Variants in ALCAM observed in about 807,000 individuals in gnomAD.
The protein encoded by ALCAM is activated leukocyte cell adhesion molecule.
Under a neutral mutation model 70.9 loss-of-function variants are expected in ALCAM, and 30 were observed. That is an observed-to-expected ratio of 0.42 (90% confidence interval 0.32 to 0.57). ALCAM has a LOEUF of 0.57. Ranked by LOEUF, ALCAM falls within the 20% of genes least tolerant of loss-of-function variation. ALCAM has a pLI of 0.11. For synonymous variants in ALCAM, 249 were observed against 242.5 expected (o/e 1.03, Z -0.25); for missense variants, 591 against 695.1 (o/e 0.85, Z 1.68).
intron 9 of ALCAM, among the ~76,000 whole-genome samples, chr3:105,545,753 A>G (rs1940231176): frequency 6.6e-6 from 1 of 151,492 alleles, no homozygotes; most frequent in African/African-American, 2.4e-5. Context: ...AAAGAAATTG[A>G]AGGGAAATAA....
intron 1 of ALCAM, among the ~76,000 whole-genome samples, chr3:105,500,119 G>A (rs1206084062): frequency 6.6e-6 from 1 of 151,892 alleles, no homozygotes; most frequent in Non-Finnish European, 1.5e-5. Context: ...ATCAGTTAAT[G>A]TCTCCCAAAT....
At chr3:105,386,131 A>G (rs1469629956) in intron 1 of ALCAM, among the ~76,000 whole-genome samples, 2 of 151,670 alleles carry the variant, frequency 1.3e-5, no homozygotes, top group African/African-American at 2.4e-5. Flanking sequence ...TTCCAAGACT[A>G]TAGAGGAAGT....
At chr3:105,389,854 G>C (rs923343100) in intron 1 of ALCAM, among the ~76,000 whole-genome samples, 2 of 150,966 alleles carry the variant, frequency 1.3e-5, no homozygotes, top group African/African-American at 4.9e-5. Context: ...TTCTGTTCCT[G>C]CATTACTTTC....
intron 1 of ALCAM, among the ~76,000 whole-genome samples, chr3:105,511,952 C>A (rs1939251346): frequency 6.6e-6 from 1 of 151,916 alleles, no homozygotes; most frequent in Admixed American, 6.6e-5. Context: ...ACAGCATTTT[C>A]TAAGTCTGTA....
intron 5 of ALCAM, 63 bp downstream of exon 5, chr3:105,533,753 C>A: frequency 6.7e-7 from 1 of 1,492,338 alleles, no homozygotes; most frequent in Non-Finnish European, 9.3e-7. Flanking sequence ...TTTCTTTGTT[C>A]TAGGTATTCT....
intron 15 of ALCAM, 121 bp downstream of exon 15, chr3:105,572,085 G>T: frequency 1.7e-6 from 1 of 591,060 alleles, no homozygotes; most frequent in Non-Finnish European, 2.9e-6. Flanking sequence ...GGAAGAGAGG[G>T]GTTTTTTTTC....
At chr3:105,386,447 T>C (rs975897597) in intron 1 of ALCAM, among the ~76,000 whole-genome samples, 1 of 151,526 alleles carries the variant, frequency 6.6e-6, no homozygotes, top group African/African-American at 2.4e-5. Flanking sequence ...TAGAGCCCAA[T>C]TAAATCCATC....
chr3:105,375,207 A>G (rs1475355746), intron 1 of ALCAM, among the ~76,000 whole-genome samples: 1 of 152,200 alleles, frequency 6.6e-6, no homozygotes, highest in African/African-American at 2.4e-5. Context: ...TTGACCATTC[A>G]TTCATCTTGG....
At chr3:105,498,045 A>AG (rs371999837) in intron 1 of ALCAM, among the ~76,000 whole-genome samples, 16,499 of 148,304 alleles carry the variant, frequency 0.11, 1,077 homozygotes, top group Middle Eastern at 0.17. Context: ...AAAAAAAAAA[A>AG]GGGGGGAAAT....
At chr3:105,424,870 C>A (rs1438862310) in intron 1 of ALCAM, among the ~76,000 whole-genome samples, 2 of 151,712 alleles carry the variant, frequency 1.3e-5, no homozygotes, top group Admixed American at 6.6e-5. Context: ...ACCTTACTTT[C>A]TGACTTGAGA....
At chr3:105,375,397 G>A (rs1935349728) in intron 1 of ALCAM, among the ~76,000 whole-genome samples, 2 of 152,028 alleles carry the variant, frequency 1.3e-5, no homozygotes, top group African/African-American at 4.8e-5. Context: ...TCCTAACCAA[G>A]TGCATATTTT....
intron 1 of ALCAM, among the ~76,000 whole-genome samples, chr3:105,398,339 G>C (rs996844715): frequency 1.3e-5 from 2 of 151,932 alleles, no homozygotes; most frequent in African/African-American, 4.8e-5. Context: ...ATACAATCTG[G>C]TATGTGGATA....
chr3:105,446,822 T>G (rs1937311962), intron 1 of ALCAM, among the ~76,000 whole-genome samples: 1 of 152,002 alleles, frequency 6.6e-6, no homozygotes, highest in South Asian at 2.1e-4. Context: ...CTCATAGAAC[T>G]AAAGAGCAGA....
At chr3:105,471,314 T>C (rs906731419) in intron 1 of ALCAM, among the ~76,000 whole-genome samples, 3 of 151,206 alleles carry the variant, frequency 2.0e-5, no homozygotes, top group African/African-American at 7.3e-5. Flanking sequence ...AAAGTAAACA[T>C]AGGAAAAGGA....
chr3:105,505,107 C>T (rs1939036017), intron 1 of ALCAM, among the ~76,000 whole-genome samples: 2 of 152,190 alleles, frequency 1.3e-5, no homozygotes, highest in Admixed American at 1.3e-4. Context: ...AATTATGTTT[C>T]ATTTCTGTCT....
At position 105,524,420 on chromosome 3, in the gene ALCAM, T is replaced by C. The variant is rs1473324157; in HGVS notation, c.306T>C (p.Asn102=). 1 of 1,614,132 alleles carries C rather than the reference T, an allele frequency of 6.2e-7. No homozygotes were observed. Among genetic ancestry groups the C allele is most frequent in the East Asian group, 2.2e-5 (1 of 44,866 alleles). The change falls in exon 3 of 16, where the codon AAT becomes AAC. Residue 102 remains asparagine, a synonymous_variant. Coordinates refer to ENST00000306107, the MANE Select transcript of ALCAM (RefSeq NM_001627.4). The part of the protein sequence containing the change: ...LSENYTLSIS[N]ARISDEKRFV... ...AAAACTACACTTTGTCTATCAGTAA[T>C]GCAAGGATCAGTGATGAAAAGAGAT... is the stretch of plus-strand genomic sequence containing the variant.
intron 1 of ALCAM, among the ~76,000 whole-genome samples, chr3:105,400,566 A>G (rs553619007): frequency 6.6e-6 from 1 of 152,188 alleles, no homozygotes; most frequent in Non-Finnish European, 1.5e-5. Context: ...TAATAATAAG[A>G]ATTTTTAACA....
At chr3:105,567,437 T>C (rs976281361) in intron 14 of ALCAM, among the ~76,000 whole-genome samples, 2 of 152,156 alleles carry the variant, frequency 1.3e-5, no homozygotes, top group East Asian at 3.9e-4. Flanking sequence ...GCTCACTTTT[T>C]TTTTTTCCAC....
chr3:105,379,670 G>A (rs980024473), intron 1 of ALCAM, among the ~76,000 whole-genome samples: 1 of 151,752 alleles, frequency 6.6e-6, no homozygotes, highest in African/African-American at 2.4e-5. Flanking sequence ...TATTTCTCAA[G>A]TGTAATTCAA....
Sources: allele counts gnomAD v4.1 joint callset (sites outside exome capture counted in the v4.1 genomes callset), GRCh38; gene constraint gnomAD v4.1.1; transcripts MANE v1.5; gene names NCBI Gene and HGNC (gene_info 2026-07-23, HGNC 2026-07-21).